Variants in MIPOL1 observed in about 807,000 individuals in gnomAD.
The protein encoded by MIPOL1 is mirror-image polydactyly gene 1 protein.
Under a neutral mutation model 60.9 loss-of-function variants are expected in MIPOL1, and 57 were observed. The observed-to-expected ratio is 0.94, with a 90% CI of 0.76 to 1.17. The LOEUF is 1.17. Among genes scored for constraint, MIPOL1 ranks in the 50% most tolerant of loss-of-function variants. The pLI is 0.00. For missense variants in MIPOL1, 551 were observed against 511.6 expected, an observed-to-expected ratio of 1.08 and a Z score of -0.74; for synonymous variants, 179 against 168.8, an observed-to-expected ratio of 1.06 and a Z score of -0.47.
chr14:37,359,741 GT>G, intron 9 of MIPOL1, among the ~76,000 whole-genome samples: 1 of 152,250 alleles, frequency 6.6e-6, no homozygotes, highest in African/African-American at 2.4e-5. Context: ...AGACGATGGG[GT>G]TTTCTAAATA....
At chr14:37,514,725 G>A (rs892747351) in intron 12 of MIPOL1, among the ~76,000 whole-genome samples, 3 of 151,674 alleles carry the variant, frequency 2.0e-5, no homozygotes, top group South Asian at 2.1e-4. Context: ...GAGTTCATGC[G>A]ATTCTCCTGC....
chr14:37,540,629 T>C (rs1594932904), intron 12 of MIPOL1, among the ~76,000 whole-genome samples: 1 of 152,174 alleles, frequency 6.6e-6, no homozygotes, highest in South Asian at 2.1e-4. Flanking sequence ...CTCCTTCTGC[T>C]TTTGTCCTTA....
Position 37,514,884 on chromosome 14 carries a change from A to C in MIPOL1, c.1262+14746A>C, listed in dbSNP as rs186529627. Reference sequence around the variant, plus strand: ...AGTTGTGCAGCTATCCTAAATAGACACGTAGGTATACTAGGTACAGCTTTT... The same window carrying C: ...AGTTGTGCAGCTATCCTAAATAGACCCGTAGGTATACTAGGTACAGCTTTT... On this transcript the variant is annotated intron_variant, in intron 12 of 12. Transcript: ENST00000684589. Among the ~76,000 whole-genome samples the C allele has an allele frequency of 9.8e-3, 1,493 of 152,268 alleles. 14 individuals carry two copies. The highest frequency in any genetic ancestry group is 0.017 in the Admixed American group (267 of 15,284).
intron 11 of MIPOL1, among the ~76,000 whole-genome samples, chr14:37,487,495 A>G (rs1416557510): frequency 6.6e-6 from 1 of 152,172 alleles, no homozygotes; most frequent in African/African-American, 2.4e-5. Flanking sequence ...TAGGCTATTA[A>G]TTACTGACTC....
At chr14:37,436,893 C>G (rs1192326052) in intron 11 of MIPOL1, among the ~76,000 whole-genome samples, 1 of 152,106 alleles carries the variant, frequency 6.6e-6, no homozygotes, top group Non-Finnish European at 1.5e-5. Context: ...AACTAGTTCT[C>G]TAAAGTTTAA....
chr14:37,309,709 CAG>C (rs1484630842), intron 9 of MIPOL1, among the ~76,000 whole-genome samples: 1 of 146,386 alleles, frequency 6.8e-6, no homozygotes, highest in African/African-American at 2.5e-5. Context: ...TTTTTTTAGA[CAG>C]AGTCTTGGTC....
intron 7 of MIPOL1, among the ~76,000 whole-genome samples, chr14:37,294,371 G>A (rs2085406398): frequency 1.3e-5 from 2 of 152,132 alleles, no homozygotes; most frequent in African/African-American, 2.4e-5. Context: ...AACCAGAGCA[G>A]AAAAACCGGA....
intron 11 of MIPOL1, among the ~76,000 whole-genome samples, chr14:37,472,000 A>G (rs1010922347): frequency 6.6e-6 from 1 of 152,182 alleles, no homozygotes; most frequent in Admixed American, 6.5e-5. Context: ...CAGTGACCCA[A>G]TTCCAAGTAA....
At chr14:37,421,598 T>C (rs1347404192) in intron 10 of MIPOL1, among the ~76,000 whole-genome samples, 1 of 152,124 alleles carries the variant, frequency 6.6e-6, no homozygotes, top group Non-Finnish European at 1.5e-5. Context: ...TTATGGACTA[T>C]GTCATGTTAA....
rs1439474656 is a variant in MIPOL1 at position 37,369,544 on chromosome 14, C to T, written c.856C>T (p.His286Tyr). The change falls in exon 10 of 13, where the codon CAT (histidine) becomes TAT (tyrosine). Residue 286 changes from histidine to tyrosine, a missense_variant. Physicochemically the swap from His to Tyr is moderately conservative, Grantham distance 83. Coordinates refer to ENST00000684589, the MANE Select transcript of MIPOL1 (RefSeq NM_001388067.1). ...KCKRLEQELH[H>Y]VKEQNQTSAN... ...CAAACGGTTAGAGCAGGAGCTTCATCATGTGAAAGAGCAGAACCAGACTTC... is the reference window on the plus strand; with the variant it reads ...CAAACGGTTAGAGCAGGAGCTTCATTATGTGAAAGAGCAGAACCAGACTTC... The T allele has an allele frequency of 1.2e-6, 2 of 1,613,238 alleles. No homozygotes were observed. Among genetic ancestry groups the T allele is most frequent in the East Asian group, 2.2e-5 (1 of 44,834 alleles).
intron 11 of MIPOL1, among the ~76,000 whole-genome samples, chr14:37,470,241 A>G (rs1380546476): frequency 6.6e-6 from 1 of 152,164 alleles, no homozygotes; most frequent in East Asian, 1.9e-4. Flanking sequence ...TGCTTAGGAT[A>G]GAAATCTGAG....
chr14:37,213,921 T>C (rs1169633480), intron 1 of MIPOL1, among the ~76,000 whole-genome samples: 1 of 149,950 alleles, frequency 6.7e-6, no homozygotes, highest in African/African-American at 2.5e-5. Context: ...TCATGACATA[T>C]TTAAAGTGCT....
chr14:37,450,494 G>A (rs1466522433), intron 11 of MIPOL1, among the ~76,000 whole-genome samples: 2 of 151,818 alleles, frequency 1.3e-5, no homozygotes, highest in Non-Finnish European at 2.9e-5. Context: ...CTTTGTAGAC[G>A]TTTTCTCATG....
At chr14:37,494,971 G>C (rs561582730) in intron 11 of MIPOL1, among the ~76,000 whole-genome samples, 1 of 151,922 alleles carries the variant, frequency 6.6e-6, no homozygotes, top group Admixed American at 6.6e-5. Flanking sequence ...TCAAAATCAG[G>C]TATAAATTTG....
chr14:37,359,198 T>A (rs945964659), intron 9 of MIPOL1, among the ~76,000 whole-genome samples: 1 of 152,220 alleles, frequency 6.6e-6, no homozygotes, highest in African/African-American at 2.4e-5. Context: ...TCTATATATC[T>A]GTTTCGGTAC....
At position 37,413,912 on chromosome 14, in the gene MIPOL1, A is replaced by G. The variant is rs541094854; in HGVS notation, c.937-8943A>G. Among the ~76,000 whole-genome samples the G allele has an allele frequency of 3.9e-5, 6 of 152,332 alleles. No homozygotes were observed. The East Asian group carries it at 1.2e-3, about 29-fold the overall frequency. Reference sequence around the variant, plus strand: ...CGGGGGAGTCAAATATAAGTTAAAAACTAACCAAACACAGTATTTCTGCAA... The same window carrying G: ...CGGGGGAGTCAAATATAAGTTAAAAGCTAACCAAACACAGTATTTCTGCAA... On this transcript the variant is annotated intron_variant, in intron 10 of 12. Transcript: ENST00000684589.
intron 3 of MIPOL1, among the ~76,000 whole-genome samples, chr14:37,258,541 T>C (rs1407232334): frequency 6.6e-6 from 1 of 152,112 alleles, no homozygotes; most frequent in Non-Finnish European, 1.5e-5. Context: ...TTAGGATAGT[T>C]TTCACAATCA....
At chr14:37,512,704 G>GT (rs1276735538) in intron 12 of MIPOL1, among the ~76,000 whole-genome samples, 3 of 151,900 alleles carry the variant, frequency 2.0e-5, no homozygotes, top group Non-Finnish European at 2.9e-5. Context: ...TTGTTGGACT[G>GT]TAAGTGTCAA....
intron 11 of MIPOL1, among the ~76,000 whole-genome samples, chr14:37,480,686 A>C (rs1330175709): frequency 1.3e-5 from 2 of 152,182 alleles, no homozygotes; most frequent in Non-Finnish European, 2.9e-5. Context: ...TTTTCCACAT[A>C]GTACTGGAAA....
Sources: gnomAD v4.1 joint callset for allele counts (sites outside exome capture counted in the v4.1 genomes callset) on GRCh38, gnomAD v4.1.1 for gene constraint, MANE v1.5 for transcripts, NCBI Gene and HGNC (gene_info 2026-07-23, HGNC 2026-07-21) for gene names.